The following DDX10 variants were observed in gnomAD, a reference collection of about 807,000 sequenced individuals.
The protein encoded by DDX10 is probable ATP-dependent RNA helicase DDX10.
A neutral mutation model predicts 104.3 loss-of-function variants in DDX10; 74 were observed. The observed-to-expected ratio is 0.71, with a 90% CI of 0.59 to 0.86. DDX10 has a LOEUF of 0.86. Among genes scored for constraint, DDX10 ranks in the 40% least tolerant of loss-of-function variants. The pLI is 0.00. For synonymous variants in DDX10, 351 were observed against 353.4 expected (o/e 0.99, Z 0.08); for missense variants, 952 against 1,040.0 (o/e 0.92, Z 1.16).
At chr11:108,918,590 AC>A (rs1863783729) in intron 17 of DDX10, 1 of 152,260 alleles carries the variant, frequency 6.6e-6, no homozygotes, top group African/African-American at 2.4e-5. Flanking sequence ...GGAGTTTGAG[AC>A]CAGCCTGATC....
At chr11:108,799,139 C>T (rs1470893129) in intron 13 of DDX10, among the ~76,000 whole-genome samples, 1 of 152,160 alleles carries the variant, frequency 6.6e-6, no homozygotes, top group East Asian at 1.9e-4. Context: ...TCTCAACCAT[C>T]CAAAGAAGTT....
At chr11:108,803,957 C>T (rs1386776017) in intron 13 of DDX10, among the ~76,000 whole-genome samples, 1 of 152,152 alleles carries the variant, frequency 6.6e-6, no homozygotes, top group Non-Finnish European at 1.5e-5. Context: ...TCTCTCATCC[C>T]TTTTAGAGTA....
intron 13 of DDX10, among the ~76,000 whole-genome samples, chr11:108,817,319 C>G (rs1427114304): frequency 6.6e-5 from 10 of 152,020 alleles, no homozygotes; most frequent in Non-Finnish European, 1.3e-4. Context: ...TCCAGTCATC[C>G]TGAATTTTTT....
intron 13 of DDX10, among the ~76,000 whole-genome samples, chr11:108,749,484 C>T (rs996079637): frequency 2.6e-5 from 4 of 152,138 alleles, no homozygotes; most frequent in African/African-American, 7.2e-5. Context: ...AGGAGCTGAT[C>T]GTTTTTTGTT....
chr11:108,926,848 C>G (rs1435214122), intron 17 of DDX10, among the ~76,000 whole-genome samples: 1 of 152,134 alleles, frequency 6.6e-6, no homozygotes, highest in Non-Finnish European at 1.5e-5. Flanking sequence ...GAGAATGTTT[C>G]AGATGATCAC....
chr11:108,826,828 A>G (rs931751365), intron 13 of DDX10, among the ~76,000 whole-genome samples: 2 of 152,208 alleles, frequency 1.3e-5, no homozygotes, highest in Non-Finnish European at 2.9e-5. Flanking sequence ...TTCAGCTGCC[A>G]TGCTCTGCTC....
chr11:108,798,254 T>C (rs1385285917), intron 13 of DDX10, among the ~76,000 whole-genome samples: 1 of 152,176 alleles, frequency 6.6e-6, no homozygotes, highest in Non-Finnish European at 1.5e-5. Flanking sequence ...ACCATTTCGG[T>C]CTCAATGAAT....
chr11:108,691,903 C>T lies in DDX10; in HGVS notation c.1003C>T (p.Arg335Trp), dbSNP rs770527153. Residue 335 changes from arginine to tryptophan, a missense_variant, in exon 8 of 18, where the codon CGG becomes TGG. By Grantham distance (101) the Arg-to-Trp change is moderately radical. Coordinates refer to ENST00000322536, the MANE Select transcript of DDX10 (RefSeq NM_004398.4). The part of the protein sequence containing the change: ...EVQYLYRVFC[R>W]LRPGVSILAL... ...CCAGTATCTGTACCGAGTGTTTTGCCGGCTACGTCCTGGTGTTTCTATCCT... is the reference window on the plus strand; with the variant it reads ...CCAGTATCTGTACCGAGTGTTTTGCTGGCTACGTCCTGGTGTTTCTATCCT... The T allele has an allele frequency of 6.0e-5, 97 of 1,613,840 alleles. No individual in the cohort carries two copies. The highest frequency in any genetic ancestry group is 3.3e-5 in the South Asian group (3 of 91,054).
At chr11:108,903,785 T>C (rs1447877408) in intron 16 of DDX10, among the ~76,000 whole-genome samples, 2 of 152,136 alleles carry the variant, frequency 1.3e-5, no homozygotes, top group East Asian at 3.9e-4. Context: ...TTTTATTCCA[T>C]CGTATGGGTA....
At chr11:108,873,719 T>G (rs528742271) in intron 16 of DDX10, among the ~76,000 whole-genome samples, 1 of 152,334 alleles carries the variant, frequency 6.6e-6, no homozygotes, top group South Asian at 2.1e-4. Context: ...CTTAAGGCCC[T>G]CTGACATACA....
chr11:108,829,566 T>C (rs1049329450), intron 13 of DDX10, among the ~76,000 whole-genome samples: 1 of 152,274 alleles, frequency 6.6e-6, no homozygotes, highest in Non-Finnish European at 1.5e-5. Context: ...TGATTTCTTT[T>C]GCTGTGCAGA....
intron 17 of DDX10, among the ~76,000 whole-genome samples, chr11:108,927,104 GC>G (rs1411894202): frequency 6.6e-6 from 1 of 152,122 alleles, no homozygotes; most frequent in Non-Finnish European, 1.5e-5. Flanking sequence ...TAGCTTCCTT[GC>G]AGCTTTATCA....
intron 15 of DDX10, among the ~76,000 whole-genome samples, chr11:108,850,277 T>G (rs1862772987): frequency 1.3e-5 from 2 of 152,148 alleles, no homozygotes; most frequent in Admixed American, 6.6e-5. Context: ...AAGCTGAAAT[T>G]TAAAATATCT....
chr11:108,667,538 C>A (rs1183704575), intron 1 of DDX10, among the ~76,000 whole-genome samples: 3 of 152,164 alleles, frequency 2.0e-5, no homozygotes, highest in Admixed American at 1.3e-4. Context: ...TTTCTTCATC[C>A]CTCTAAGTCT....
At chr11:108,862,348 C>T (rs910162482) in intron 16 of DDX10, among the ~76,000 whole-genome samples, 9 of 152,138 alleles carry the variant, frequency 5.9e-5, no homozygotes, top group South Asian at 2.1e-4. Flanking sequence ...AAAAATGATG[C>T]GGGTAGACGA....
At chr11:108,778,799 A>G (rs2134536159) in intron 13 of DDX10, among the ~76,000 whole-genome samples, 1 of 152,374 alleles carries the variant, frequency 6.6e-6, no homozygotes, top group African/African-American at 2.4e-5. Flanking sequence ...TACCCATCTG[A>G]CAAAGGGCTA....
intron 17 of DDX10, among the ~76,000 whole-genome samples, chr11:108,936,914 C>T (rs1186689341): frequency 1.3e-5 from 2 of 152,174 alleles, no homozygotes; most frequent in East Asian, 3.8e-4. Flanking sequence ...CTTTTCCACT[C>T]ACGAGTTTAC....
intron 13 of DDX10, among the ~76,000 whole-genome samples, chr11:108,819,655 A>G (rs890233658): frequency 2.6e-5 from 4 of 151,738 alleles, no homozygotes; most frequent in African/African-American, 9.7e-5. Flanking sequence ...CTGGAGTGCA[A>G]TGGTGCAATC....
At chr11:108,687,066 T>C (rs945476719) in intron 6 of DDX10, among the ~76,000 whole-genome samples, 6 of 152,202 alleles carry the variant, frequency 3.9e-5, no homozygotes, top group African/African-American at 1.2e-4. Context: ...ATTACAGGCA[T>C]GAGTCACTGC....
Sources: gnomAD v4.1 joint callset for allele counts (sites outside exome capture counted in the v4.1 genomes callset) on GRCh38, gnomAD v4.1.1 for gene constraint, MANE v1.5 for transcripts, NCBI Gene and HGNC (gene_info 2026-07-23, HGNC 2026-07-21) for gene names.